CA10: variants seen among roughly 807,000 people sequenced by gnomAD.
The protein encoded by CA10 is carbonic anhydrase-related protein 10.
In CA10, 14 loss-of-function variants were observed where a neutral mutation model predicts 44.2. That is an observed-to-expected ratio of 0.32 (90% CI 0.21 to 0.50). The LOEUF is 0.50. Ranked by LOEUF, CA10 falls within the 20% of genes least tolerant of loss-of-function variation. CA10 has a pLI of 0.99. For missense variants in CA10, 350 were observed against 409.7 expected (o/e 0.85, Z 1.26); for synonymous variants, 159 against 141.6 (o/e 1.12, Z -0.87).
chr17:51,906,659 C>T (rs936609560), intron 3 of CA10, among the ~76,000 whole-genome samples: 1 of 152,098 alleles, frequency 6.6e-6, no homozygotes, highest in African/African-American at 2.4e-5. Context: ...GCCTATTTGA[C>T]ATTTCTATTT....
In CA10 at chr17:51,717,656, C is replaced by CATATATGCATGTATATAT. The variant is rs1442552331; in HGVS notation, c.465+29976_465+29977insATATATACATGCATATAT. On this transcript the variant is annotated intron_variant, in intron 4 of 8. Transcript: ENST00000451037. Reference sequence around the variant, plus strand: ...ATATGCATGTATATATACATATATACGTATATATACATGTATATATGTATA... The same window carrying CATATATGCATGTATATAT: ...ATATGCATGTATATATACATATATACATATATGCATGTATATATGTATATATACATGTATATATGTATA... Among the ~76,000 whole-genome samples the CATATATGCATGTATATAT allele has an allele frequency of 8.6e-4, 22 of 25,660 alleles. 3 individuals carry two copies. The highest frequency in any genetic ancestry group is 2.2e-3 in the African/African-American group (20 of 9,284). The allele number at this position is 25,660 out of a possible 152,430, so 16.8% of individuals were successfully genotyped here. A position where few individuals can be genotyped will look rare whatever the true frequency, so the allele number is the denominator to read the frequency against.
At position 52,101,289 on chromosome 17, in the gene CA10, T is replaced by A. The variant is rs577787480; in HGVS notation, c.62-28896A>T. On this transcript the variant is annotated intron_variant, in intron 1 of 8. Coordinates refer to ENST00000451037, the MANE Select transcript of CA10 (RefSeq NM_020178.5). ...TTTATTCATGAGCATGTACACAATT[T>A]TTTTTCTCATATGAGATGGCGAAGC... 2.6e-5 allele frequency among the ~76,000 whole-genome samples: 4 copies of A among 152,330 alleles called. No homozygotes were observed. In the South Asian group the frequency reaches 8.3e-4, roughly 32 times the overall value.
chr17:52,056,942 T>C (rs571600874), intron 2 of CA10, among the ~76,000 whole-genome samples: 2 of 152,262 alleles, frequency 1.3e-5, no homozygotes, highest in South Asian at 4.1e-4. Context: ...TTATATGAAC[T>C]GCTGAAATTC....
chr17:51,976,710 CAA>C (rs1984476768), intron 2 of CA10, among the ~76,000 whole-genome samples: 1 of 149,854 alleles, frequency 6.7e-6, no homozygotes, highest in Non-Finnish European at 1.5e-5. Context: ...AAATAAAAAA[CAA>C]ATTAAATTGA....
intron 3 of CA10, among the ~76,000 whole-genome samples, chr17:51,853,986 G>T (rs1230955346): frequency 6.6e-6 from 1 of 152,150 alleles, no homozygotes; most frequent in Non-Finnish European, 1.5e-5. Context: ...GAAAACGAAT[G>T]AATACATCTG....
rs2143296680 is a variant in CA10 at position 52,115,172 on chromosome 17, C to T, written c.61+42554G>A. Among the ~76,000 whole-genome samples the T allele has an allele frequency of 2.0e-5, 3 of 152,306 alleles. 1 individual carries two copies. The Middle Eastern group carries it at 0.01, about 518-fold the overall frequency. On this transcript the variant is annotated intron_variant, in intron 1 of 8. Coordinates refer to ENST00000451037, the MANE Select transcript of CA10 (RefSeq NM_020178.5). ...AGCTCCTGTGTGGTGGCCTGGTATTCAATCTGCGAGGTGGGAGCCTATTGG... is the reference window on the plus strand; with the variant it reads ...AGCTCCTGTGTGGTGGCCTGGTATTTAATCTGCGAGGTGGGAGCCTATTGG...
chr17:52,007,046 A>G (rs1208667471), intron 2 of CA10, among the ~76,000 whole-genome samples: 1 of 151,622 alleles, frequency 6.6e-6, no homozygotes, highest in Non-Finnish European at 1.5e-5. Flanking sequence ...TTTTTTTCCT[A>G]TTATATTCTC....
intron 2 of CA10, among the ~76,000 whole-genome samples, chr17:52,024,607 T>A (rs996846142): frequency 4.6e-5 from 7 of 152,050 alleles, no homozygotes; most frequent in African/African-American, 1.7e-4. Context: ...TATTGTGTAT[T>A]GGAAGATATC....
intron 2 of CA10, among the ~76,000 whole-genome samples, chr17:51,982,636 T>A (rs572210171): frequency 6.6e-6 from 1 of 152,022 alleles, no homozygotes; most frequent in South Asian, 2.1e-4. Context: ...CTATTTGGAA[T>A]GTTTTCTCTC....
chr17:52,084,211 C>T (rs561465096), intron 1 of CA10, among the ~76,000 whole-genome samples: 4 of 152,164 alleles, frequency 2.6e-5, no homozygotes, highest in East Asian at 1.9e-4. Flanking sequence ...GCCCAATGCC[C>T]GGTAGAAAAG....
At chr17:51,889,364 AT>A (rs1980754846) in intron 3 of CA10, among the ~76,000 whole-genome samples, 1 of 152,116 alleles carries the variant, frequency 6.6e-6, no homozygotes, top group South Asian at 2.1e-4. Context: ...TCTACGAAAA[AT>A]ACAAAAAAAT....
chr17:52,114,429 C>T (rs1487602276), intron 1 of CA10, among the ~76,000 whole-genome samples: 2 of 152,172 alleles, frequency 1.3e-5, no homozygotes, highest in African/African-American at 4.8e-5. Context: ...TCCACTGAGC[C>T]TCAGTTTGCC....
At chr17:51,925,125 G>A (rs990309085) in intron 3 of CA10, among the ~76,000 whole-genome samples, 3 of 152,138 alleles carry the variant, frequency 2.0e-5, no homozygotes, top group African/African-American at 7.2e-5. Context: ...CTGGCTTCAA[G>A]TGATCCTCTT....
chr17:52,081,809 A>AAAAATAAAATT (rs1987990067), intron 1 of CA10, among the ~76,000 whole-genome samples: 1 of 151,844 alleles, frequency 6.6e-6, no homozygotes, highest in South Asian at 2.1e-4. Flanking sequence ...CAAAAAAAAA[A>AAAAATAAAATT]AAAAAAAAAA....
intron 4 of CA10, among the ~76,000 whole-genome samples, chr17:51,722,857 A>G (rs1230079669): frequency 6.6e-6 from 1 of 152,190 alleles, no homozygotes; most frequent in African/African-American, 2.4e-5. Flanking sequence ...CCAAAGCCAC[A>G]TGGTCACTGG....
intron 3 of CA10, among the ~76,000 whole-genome samples, chr17:51,876,264 T>C (rs1353865767): frequency 7.1e-6 from 1 of 141,622 alleles, no homozygotes; most frequent in Non-Finnish European, 1.5e-5. Context: ...CCTCTCAGGC[T>C]CAAGCAATCC....
chr17:52,039,992 C>T (rs1986723750), intron 2 of CA10, among the ~76,000 whole-genome samples: 1 of 151,978 alleles, frequency 6.6e-6, no homozygotes, highest in Non-Finnish European at 1.5e-5. Flanking sequence ...TCAAGCAATC[C>T]TGAGTTAGAA....
At chr17:51,845,525 T>C (rs188650318) in intron 3 of CA10, among the ~76,000 whole-genome samples, 37 of 152,334 alleles carry the variant, frequency 2.4e-4, no homozygotes, top group Admixed American at 2.4e-3. Context: ...TGAAACTAAA[T>C]ATTGTTTTAA....
chr17:51,804,396 G>A (rs988260220), intron 3 of CA10, among the ~76,000 whole-genome samples: 1 of 152,158 alleles, frequency 6.6e-6, no homozygotes, highest in Admixed American at 6.5e-5. Flanking sequence ...CTCTGAGCAA[G>A]TTCCATCCCA....
Sources: allele counts gnomAD v4.1 joint callset (sites outside exome capture counted in the v4.1 genomes callset), GRCh38; gene constraint gnomAD v4.1.1; transcripts MANE v1.5; gene names NCBI Gene and HGNC (gene_info 2026-07-23, HGNC 2026-07-21).